The following NRG1 variants were observed in gnomAD, a reference collection of about 807,000 sequenced individuals.
The protein encoded by NRG1 is neuregulin 1.
A neutral mutation model predicts 63.8 loss-of-function variants in NRG1; 18 were observed. The ratio of observed to expected loss-of-function variants is 0.28; its 90% CI spans 0.19 to 0.42. NRG1 has a LOEUF of 0.42. NRG1 is among the 10% of genes least tolerant of loss of function. The probability of loss-of-function intolerance (pLI) is 1.00; values close to 1 mark genes in which losing one functional copy is unlikely to be tolerated. For missense variants in NRG1, 762 were observed against 814.7 expected, an observed-to-expected ratio of 0.94 and a Z score of 0.79; for synonymous variants, 302 against 301.3, an observed-to-expected ratio of 1.00 and a Z score of -0.02.
At chr8:32,275,257 C>T (rs924517108) in intron 1 of NRG1, among the ~76,000 whole-genome samples, 1 of 152,222 alleles carries the variant, frequency 6.6e-6, no homozygotes, top group African/African-American at 2.4e-5. Flanking sequence ...TTACTAACAA[C>T]CTACTTTGTG....
intron 1 of NRG1, among the ~76,000 whole-genome samples, chr8:32,147,293 A>C (rs1836974995): frequency 6.6e-6 from 1 of 152,176 alleles, no homozygotes; most frequent in South Asian, 2.1e-4. Flanking sequence ...TGAAAAACCA[A>C]ATGTCTTCAT....
At chr8:32,170,719 G>A (rs1839936381) in intron 1 of NRG1, among the ~76,000 whole-genome samples, 1 of 152,168 alleles carries the variant, frequency 6.6e-6, no homozygotes, top group Non-Finnish European at 1.5e-5. Context: ...AACAAAGAAG[G>A]TTTCATTAAG....
intron 1 of NRG1, among the ~76,000 whole-genome samples, chr8:31,792,801 G>A (rs747378635): frequency 2.0e-5 from 3 of 152,138 alleles, no homozygotes; most frequent in Non-Finnish European, 2.9e-5. Flanking sequence ...CAGTGAGGCT[G>A]TTAAAACTTC....
intron 6 of NRG1, among the ~76,000 whole-genome samples, chr8:32,730,833 C>A (rs930288090): frequency 2.6e-5 from 4 of 152,186 alleles, no homozygotes; most frequent in African/African-American, 7.2e-5. Flanking sequence ...GTTATTTTTT[C>A]CTAATCTTAA....
Position 32,153,774 on chromosome 8 carries a change from A to G in NRG1, c.38-442054A>G, listed in dbSNP as rs117752163. Among the ~76,000 whole-genome samples the G allele has an allele frequency of 4.5e-3, 679 of 152,312 alleles. 2 individuals carry two copies. The highest frequency in any genetic ancestry group is 7.5e-3 in the Non-Finnish European group (509 of 68,024). On this transcript the variant is annotated intron_variant, in intron 1 of 10. Coordinates refer to the NRG1 transcript ENST00000519301. The stretch of plus-strand genomic sequence containing the variant: ...GAATCTGTGGGCACACTAGGGATGA[A>G]GTGATAGTATTCTTTGTTGGATATC...
At chr8:32,184,219 G>A (rs1262398782) in intron 1 of NRG1, among the ~76,000 whole-genome samples, 1 of 151,976 alleles carries the variant, frequency 6.6e-6, no homozygotes, top group African/African-American at 2.4e-5. Flanking sequence ...TATGATTTCA[G>A]GCAGTGGTAT....
At chr8:31,754,854 G>C (rs1816812415) in intron 1 of NRG1, among the ~76,000 whole-genome samples, 1 of 152,172 alleles carries the variant, frequency 6.6e-6, no homozygotes, top group South Asian at 2.1e-4. Flanking sequence ...AAACTTCCTA[G>C]TAATGATTCT....
chr8:32,232,412 G>A (rs553961154), intron 1 of NRG1, among the ~76,000 whole-genome samples: 1 of 152,208 alleles, frequency 6.6e-6, no homozygotes, highest in African/African-American at 2.4e-5. Context: ...TGAAACAAAA[G>A]TAAGAATACA....
chr8:31,742,960 AT>A (rs577515631), intron 1 of NRG1, among the ~76,000 whole-genome samples: 3 of 151,584 alleles, frequency 2.0e-5, no homozygotes, highest in Admixed American at 1.3e-4. Flanking sequence ...AAAGAGACAG[AT>A]TTTTTTTTCA....
intron 1 of NRG1, among the ~76,000 whole-genome samples, chr8:32,144,178 G>A (rs937898818): frequency 2.0e-5 from 3 of 152,162 alleles, no homozygotes; most frequent in African/African-American, 4.8e-5. Context: ...GCTGCAAGCC[G>A]ACCATGATCT....
At chr8:32,200,158 C>G (rs930659382) in intron 1 of NRG1, among the ~76,000 whole-genome samples, 2 of 152,162 alleles carry the variant, frequency 1.3e-5, no homozygotes, top group African/African-American at 2.4e-5. Context: ...CATTTTCCCT[C>G]TAATATTTTT....
chr8:31,753,983 T>G (rs1816725721), intron 1 of NRG1, among the ~76,000 whole-genome samples: 1 of 152,128 alleles, frequency 6.6e-6, no homozygotes, highest in Non-Finnish European at 1.5e-5. Context: ...TTAGCTGTTT[T>G]GTTTCTAACA....
chr8:32,374,762 A>G (rs1387799634), intron 1 of NRG1, among the ~76,000 whole-genome samples: 1 of 152,130 alleles, frequency 6.6e-6, no homozygotes, highest in African/African-American at 2.4e-5. Flanking sequence ...TGGTTAAGGC[A>G]TTGTTTTTTT....
At chr8:32,747,145 G>T (rs1020092143) in intron 7 of NRG1, among the ~76,000 whole-genome samples, 2 of 152,088 alleles carry the variant, frequency 1.3e-5, no homozygotes, top group African/African-American at 4.8e-5. Context: ...GCAGTAATAT[G>T]TATGCATGGG....
At chr8:32,293,718 C>CTTTTTTTTTTTTTTTTTTTTTTTCT (rs770993591) in intron 1 of NRG1, among the ~76,000 whole-genome samples, 1 of 108,278 alleles carries the variant, frequency 9.2e-6, no homozygotes, top group African/African-American at 3.7e-5. Context: ...TTTTCTTCTT[C>CTTTTTTTTTTTTTTTTTTTTTTTCT]TTTTTTTTTT....
chr8:32,072,879 C>T (rs1825954281), intron 1 of NRG1, among the ~76,000 whole-genome samples: 1 of 152,054 alleles, frequency 6.6e-6, no homozygotes, highest in Non-Finnish European at 1.5e-5. Flanking sequence ...AAGACTTTTG[C>T]CAAAGTTTTC....
At chr8:32,566,890 G>A (rs1295669380) in intron 1 of NRG1, among the ~76,000 whole-genome samples, 1 of 152,158 alleles carries the variant, frequency 6.6e-6, no homozygotes, top group Non-Finnish European at 1.5e-5. Context: ...GTCTTGCTCT[G>A]TGGCCCAGGC....
chr8:31,895,902 C>T (rs1296768267), intron 1 of NRG1, among the ~76,000 whole-genome samples: 1 of 152,086 alleles, frequency 6.6e-6, no homozygotes, highest in African/African-American at 2.4e-5. Context: ...TGTGTTTAAT[C>T]CACAGAAAGA....
chr8:32,132,259 G>A (rs1357998370), intron 1 of NRG1, among the ~76,000 whole-genome samples: 1 of 152,052 alleles, frequency 6.6e-6, no homozygotes, highest in African/African-American at 2.4e-5. Context: ...AAGGAGAAAA[G>A]CAAGTTTTAG....
Sources: gnomAD v4.1 joint callset for allele counts (sites outside exome capture counted in the v4.1 genomes callset) on GRCh38, gnomAD v4.1.1 for gene constraint, MANE v1.5 for transcripts, NCBI Gene and HGNC (gene_info 2026-07-23, HGNC 2026-07-21) for gene names.